The following TDRD3 variants were observed in gnomAD, a reference collection of about 807,000 sequenced individuals.
The protein encoded by TDRD3 is tudor domain containing 3, also known as tudor domain-containing protein 3.
Under a neutral mutation model 86.7 loss-of-function variants are expected in TDRD3, and 45 were observed. That is an observed-to-expected ratio of 0.52 (90% CI 0.41 to 0.67). The LOEUF is 0.67. Among genes scored for constraint, TDRD3 ranks in the 30% least tolerant of loss-of-function variants. TDRD3 has a pLI of 0.00. For synonymous variants in TDRD3, 298 were observed against 301.7 expected (o/e 0.99, Z 0.13); for missense variants, 814 against 889.0 (o/e 0.92, Z 1.07).
intron 10 of TDRD3, among the ~76,000 whole-genome samples, chr13:60,512,858 A>G (rs35794501): frequency 0.017 from 2,572 of 152,192 alleles, 32 homozygotes; most frequent in Middle Eastern, 0.031. Flanking sequence ...TTCCAGGTAA[A>G]TGGTGCAAGC....
In TDRD3 at chr13:60,457,775, C is replaced by G. The variant is rs935495284; in HGVS notation, c.193-2605C>G. Among the ~76,000 whole-genome samples, 5 of 152,160 alleles carry G rather than the reference C, an allele frequency of 3.3e-5. No homozygotes were observed. In the South Asian group the frequency reaches 1.0e-3, roughly 31 times the overall value. On this transcript the variant is annotated intron_variant, in intron 3 of 13. Transcript: ENST00000377881. ...TATCAGTTTCATGCTTCTCACCTAG[C>G]TTTTGGTAGCTGTAGCAGTCCTTGG...
chr13:60,526,460 A>G (rs1434409228), intron 10 of TDRD3, among the ~76,000 whole-genome samples: 3 of 152,148 alleles, frequency 2.0e-5, no homozygotes, highest in Non-Finnish European at 2.9e-5. Context: ...GGTCACTGCT[A>G]TTCTTCCCGA....
chr13:60,464,500 C>T (rs976948460), intron 4 of TDRD3, among the ~76,000 whole-genome samples: 1 of 151,998 alleles, frequency 6.6e-6, no homozygotes, highest in Non-Finnish European at 1.5e-5. Flanking sequence ...ATGGAATCAA[C>T]CTAAGTGTGC....
At chr13:60,532,485 C>A (rs1280184518) in intron 11 of TDRD3, among the ~76,000 whole-genome samples, 1 of 152,150 alleles carries the variant, frequency 6.6e-6, no homozygotes, top group Non-Finnish European at 1.5e-5. Flanking sequence ...CAAGAATGGA[C>A]AACTTTCCAG....
At chr13:60,409,244 C>T (rs1954303384) in intron 1 of TDRD3, among the ~76,000 whole-genome samples, 1 of 152,206 alleles carries the variant, frequency 6.6e-6, no homozygotes. Context: ...TGGGATAGAG[C>T]CCTCATGGAG....
chr13:60,511,825 G>A (rs1439776851), intron 10 of TDRD3, among the ~76,000 whole-genome samples: 1 of 152,062 alleles, frequency 6.6e-6, no homozygotes, highest in African/African-American at 2.4e-5. Flanking sequence ...TGCCACATGG[G>A]CCACCCCATA....
chr13:60,527,265 T>TG (rs1385499202), intron 10 of TDRD3, among the ~76,000 whole-genome samples: 1 of 152,188 alleles, frequency 6.6e-6, no homozygotes, highest in Non-Finnish European at 1.5e-5. Context: ...TGGAAATGTT[T>TG]GGGGAAAGTT....
chr13:60,560,658 T>A (rs1340346618), intron 12 of TDRD3, among the ~76,000 whole-genome samples: 2 of 152,184 alleles, frequency 1.3e-5, no homozygotes, highest in Non-Finnish European at 2.9e-5. Flanking sequence ...ATGTCTTGTT[T>A]AGATTGTGCT....
chr13:60,572,327 A>T (rs1409539545), intron 13 of TDRD3, among the ~76,000 whole-genome samples: 1 of 152,244 alleles, frequency 6.6e-6, no homozygotes, highest in Non-Finnish European at 1.5e-5. Flanking sequence ...CTTCAAATAC[A>T]TAAGAGTTTG....
At chr13:60,441,856 C>G (rs1413528181) in intron 2 of TDRD3, among the ~76,000 whole-genome samples, 1 of 152,100 alleles carries the variant, frequency 6.6e-6, no homozygotes, top group Non-Finnish European at 1.5e-5. Context: ...GACTAATACC[C>G]AAGGCCTTTA....
intron 8 of TDRD3, among the ~76,000 whole-genome samples, chr13:60,502,876 C>T (rs376629524): frequency 6.6e-6 from 1 of 152,104 alleles, no homozygotes; most frequent in African/African-American, 2.4e-5. Flanking sequence ...CTAATTGTGT[C>T]CTGTTGCAAA....
intron 12 of TDRD3, among the ~76,000 whole-genome samples, chr13:60,545,251 G>A (rs559124164): frequency 2.0e-5 from 3 of 152,162 alleles, no homozygotes; most frequent in South Asian, 4.1e-4. Flanking sequence ...CTTGATTATA[G>A]TTTTACATGA....
chr13:60,446,122 T>TA (rs1955390815), intron 3 of TDRD3, among the ~76,000 whole-genome samples: 1 of 152,196 alleles, frequency 6.6e-6, no homozygotes, highest in Non-Finnish European at 1.5e-5. Flanking sequence ...AAAAATTTGA[T>TA]ATCTCTGCTT....
chr13:60,471,299 G>A (rs568330516), intron 5 of TDRD3, among the ~76,000 whole-genome samples: 18 of 152,238 alleles, frequency 1.2e-4, no homozygotes, highest in African/African-American at 4.1e-4. Context: ...TGAAAATAGT[G>A]TTCTTAATGA....
At chr13:60,424,483 C>G (rs906083579) in intron 1 of TDRD3, among the ~76,000 whole-genome samples, 14 of 152,000 alleles carry the variant, frequency 9.2e-5, no homozygotes. Context: ...TCGAGACCAG[C>G]CTGGCCAACA....
intron 5 of TDRD3, among the ~76,000 whole-genome samples, chr13:60,479,867 C>T (rs1472573811): frequency 6.6e-6 from 1 of 152,116 alleles, no homozygotes; most frequent in African/African-American, 2.4e-5. Flanking sequence ...TTTCTCCATC[C>T]CTTTACCTTG....
At position 60,397,265 on chromosome 13, in the gene TDRD3, T is replaced by G; in HGVS notation, c.-100T>G. ...GAGCCGACCAGAGGAGTTTTTTCTT[T>G]TCTTTTCTTTTTTTTTTTTTAAGGG... On this transcript the variant is annotated 5_prime_UTR_variant, in exon 1 of 14. Transcript: ENST00000377881. 8 of 709,006 alleles carry G rather than the reference T, an allele frequency of 1.1e-5. No homozygotes were observed. Among genetic ancestry groups the G allele is most frequent in the Non-Finnish European group, 1.2e-5 (6 of 483,354 alleles). 43.9% of individuals were successfully genotyped at this position (709,006 alleles called of 1,614,324 possible).
intron 7 of TDRD3, among the ~76,000 whole-genome samples, chr13:60,486,407 CTTTAT>C (rs1486108059): frequency 6.6e-6 from 1 of 152,048 alleles, no homozygotes; most frequent in Non-Finnish European, 1.5e-5. Context: ...TGTCTTTATA[CTTTAT>C]TTTATTTAGT....
At chr13:60,527,193 A>T (rs980364790) in intron 10 of TDRD3, among the ~76,000 whole-genome samples, 3 of 152,098 alleles carry the variant, frequency 2.0e-5, no homozygotes, top group Non-Finnish European at 4.4e-5. Context: ...AGTAACCTTT[A>T]AACCTTTATT....
Sources: gnomAD v4.1 joint callset for allele counts (sites outside exome capture counted in the v4.1 genomes callset) on GRCh38, gnomAD v4.1.1 for gene constraint, MANE v1.5 for transcripts, NCBI Gene and HGNC (gene_info 2026-07-23, HGNC 2026-07-21) for gene names.